SOX6: variants seen among roughly 807,000 people sequenced by gnomAD.
SOX6 encodes SRY-box transcription factor 6, also known as transcription factor SOX-6.
A neutral mutation model predicts 97.8 loss-of-function variants in SOX6; 11 were observed. The observed-to-expected ratio is 0.11, with a 90% CI of 0.07 to 0.19. The LOEUF (loss-of-function observed/expected upper bound fraction) is 0.19. SOX6 is among the 10% of genes least tolerant of loss of function. SOX6 has a pLI of 1.00. For synonymous variants in SOX6, 360 were observed against 371.4 expected (o/e 0.97, Z 0.35); for missense variants, 810 against 1,039.5 (o/e 0.78, Z 3.04).
At chr11:16,231,597 G>C (rs975465251) in intron 4 of SOX6, among the ~76,000 whole-genome samples, 1 of 151,666 alleles carries the variant, frequency 6.6e-6, no homozygotes, top group African/African-American at 2.4e-5. Context: ...TTTTTAAAAA[G>C]AACAAACTCT....
At chr11:16,007,771 G>A (rs565655804) in intron 13 of SOX6, among the ~76,000 whole-genome samples, 33 of 152,168 alleles carry the variant, frequency 2.2e-4, no homozygotes, top group Admixed American at 2.0e-4. Flanking sequence ...CAAATATGTC[G>A]GACAGAACTC....
chr11:15,989,304 C>T (rs1248117078), intron 13 of SOX6, 74 bp from the exon 14 acceptor site: 14 of 1,268,564 alleles, frequency 1.1e-5, no homozygotes, highest in Admixed American at 2.5e-5. Context: ...CAGCTTGCCG[C>T]CTGGGTCAGC....
chr11:16,031,593 A>G (rs1855374572), intron 12 of SOX6: 1 of 152,216 alleles, frequency 6.6e-6, no homozygotes, highest in African/African-American at 2.4e-5. Context: ...CTGCCATAGA[A>G]GAATGCAGAG....
At chr11:16,662,794 A>T (rs1274486551) in intron 3 of SOX6, among the ~76,000 whole-genome samples, 1 of 152,170 alleles carries the variant, frequency 6.6e-6, no homozygotes, top group Non-Finnish European at 1.5e-5. Flanking sequence ...CCTGGGTTCA[A>T]GTGATCCTCT....
At chr11:16,062,794 T>C (rs1847990015) in intron 9 of SOX6, among the ~76,000 whole-genome samples, 1 of 151,762 alleles carries the variant, frequency 6.6e-6, no homozygotes, top group Admixed American at 6.6e-5. Context: ...TACTGGCAGC[T>C]TTAATAAAGT....
intron 9 of SOX6, among the ~76,000 whole-genome samples, chr11:16,089,397 T>A (rs1427318997): frequency 6.6e-6 from 1 of 152,142 alleles, no homozygotes; most frequent in African/African-American, 2.4e-5. Flanking sequence ...AATGATTTTT[T>A]AAAATCCACA....
rs1347337939 is a variant in SOX6, at chr11:16,551,287, T to C, written n.609+60794A>G. On this transcript the variant is annotated intron_variant and non_coding_transcript_variant, in intron 4 of 5. Coordinates refer to the SOX6 transcript ENST00000524520. ...ATTACTTGAGCCCAAGAGGTTAAAG[T>C]TGCAGTTAGCTGTGGTCACGCCACT... Among the ~76,000 whole-genome samples, 6 of 152,144 alleles carry C rather than the reference T, an allele frequency of 3.9e-5. No homozygotes were observed. In the East Asian group the frequency reaches 9.6e-4, roughly 24 times the overall value.
intron 13 of SOX6, among the ~76,000 whole-genome samples, chr11:15,991,856 A>G (rs984859135): frequency 3.9e-5 from 6 of 152,094 alleles, no homozygotes; most frequent in African/African-American, 1.4e-4. Flanking sequence ...CATATGCCCA[A>G]TCTCTCTCCC....
intron 3 of SOX6, among the ~76,000 whole-genome samples, chr11:16,295,693 C>T (rs546826535): frequency 4.6e-5 from 7 of 152,098 alleles, no homozygotes; most frequent in Non-Finnish European, 1.0e-4. Flanking sequence ...TAAAACATGT[C>T]AACATCTGTT....
intron 12 of SOX6, among the ~76,000 whole-genome samples, chr11:16,018,260 T>C (rs1281387511): frequency 6.6e-6 from 1 of 152,108 alleles, no homozygotes; most frequent in Non-Finnish European, 1.5e-5. Flanking sequence ...GATAGACTGC[T>C]GTATTATTAT....
intron 4 of SOX6, among the ~76,000 whole-genome samples, chr11:16,525,343 C>T: frequency 6.6e-6 from 1 of 150,532 alleles, no homozygotes. Flanking sequence ...CTACAACTAT[C>T]TGATCTTTGA....
rs184554968 is a variant in SOX6 at position 16,590,704 on chromosome 11, A to G, written n.609+21377T>C. Reference sequence around the variant, plus strand: ...TGAAATAAGCCAGTCACAGAAAGACAAACTTCATATGTTATCACTTACATG... The same window carrying G: ...TGAAATAAGCCAGTCACAGAAAGACGAACTTCATATGTTATCACTTACATG... On this transcript the variant is annotated intron_variant and non_coding_transcript_variant, in intron 4 of 5. Coordinates refer to the SOX6 transcript ENST00000524520. Among the ~76,000 whole-genome samples, 393 of 152,264 alleles carry G rather than the reference A, an allele frequency of 2.6e-3. 1 individual carries two copies. Among genetic ancestry groups the G allele is most frequent in the Non-Finnish European group, 2.6e-3 (179 of 67,998 alleles).
intron 4 of SOX6, among the ~76,000 whole-genome samples, chr11:16,228,637 C>T (rs1401454): frequency 0.43 from 65,035 of 151,882 alleles, 14,216 homozygotes; most frequent in South Asian, 0.6. Context: ...TGCTGTAAAT[C>T]TGCTAGGAGA....
intron 3 of SOX6, chr11:16,313,659 T>C (rs1855674458): frequency 6.6e-6 from 1 of 152,112 alleles, no homozygotes; most frequent in Admixed American, 6.6e-5. Flanking sequence ...TTATTTCTGT[T>C]CTCCCATTAT....
intron 4 of SOX6, among the ~76,000 whole-genome samples, chr11:16,200,226 G>C (rs145634112): frequency 6.6e-6 from 1 of 152,136 alleles, no homozygotes; most frequent in Non-Finnish European, 1.5e-5. Context: ...CCAGATATCA[G>C]GTTTCTCAGT....
intron 3 of SOX6, among the ~76,000 whole-genome samples, chr11:16,284,735 G>T (rs142302322): frequency 3.9e-5 from 6 of 152,074 alleles, no homozygotes; most frequent in Admixed American, 2.0e-4. Flanking sequence ...AGAAACCCAC[G>T]TATGTCAGTC....
At chr11:16,679,612 G>A (rs1225830508) in intron 3 of SOX6, among the ~76,000 whole-genome samples, 1 of 152,176 alleles carries the variant, frequency 6.6e-6, no homozygotes, top group Non-Finnish European at 1.5e-5. Flanking sequence ...GACAGAAAAT[G>A]AGTTTGACAA....
chr11:16,644,803 A>C (rs10832664), intron 3 of SOX6, among the ~76,000 whole-genome samples: 2 of 152,050 alleles, frequency 1.3e-5, no homozygotes, highest in Non-Finnish European at 2.9e-5. Flanking sequence ...CAAATCTTTT[A>C]TATGCTTTCT....
At chr11:16,110,711 A>G (rs896651014) in intron 7 of SOX6, among the ~76,000 whole-genome samples, 1 of 152,174 alleles carries the variant, frequency 6.6e-6, no homozygotes, top group Non-Finnish European at 1.5e-5. Context: ...GTTCTCTATC[A>G]AATACAAAAG....
Sources: allele counts gnomAD v4.1 joint callset (sites outside exome capture counted in the v4.1 genomes callset), GRCh38; gene constraint gnomAD v4.1.1; transcripts MANE v1.5; gene names NCBI Gene and HGNC (gene_info 2026-07-23, HGNC 2026-07-21).